KIF26B: variants seen among roughly 807,000 people sequenced by gnomAD.
KIF26B encodes the protein kinesin-like protein KIF26B.
In KIF26B, 63 loss-of-function variants were observed where a neutral mutation model predicts 151.2. That is an observed-to-expected ratio of 0.42 (90% CI 0.34 to 0.51). The LOEUF is 0.51. Among genes scored for constraint, KIF26B ranks in the 20% least tolerant of loss-of-function variants. The pLI is 0.07. For missense variants in KIF26B, 2,813 were observed against 2,913.6 expected (o/e 0.97, Z 0.79); for synonymous variants, 1,357 against 1,262.1 (o/e 1.08, Z -1.59).
intron 3 of KIF26B, among the ~76,000 whole-genome samples, chr1:245,369,934 A>G (rs1244980787): frequency 6.6e-6 from 1 of 152,198 alleles, no homozygotes; most frequent in Admixed American, 6.5e-5. Flanking sequence ...CTAACCTTGG[A>G]AGTAACCTTC....
At chr1:245,646,432 G>A in intron 10 of KIF26B, 152 bp downstream of exon 10, 1 of 736,786 alleles carries the variant, frequency 1.4e-6, no homozygotes, top group South Asian at 2.7e-5. Context: ...TAACAGTTGT[G>A]TAATGCATGA....
intron 2 of KIF26B, among the ~76,000 whole-genome samples, chr1:245,275,057 G>A (rs1670915561): frequency 6.6e-6 from 1 of 152,156 alleles, no homozygotes; most frequent in South Asian, 2.1e-4. Context: ...GTTTTGGTTT[G>A]CATTTCTCTA....
intron 2 of KIF26B, 38 bp downstream of exon 2, chr1:245,156,721 A>AGGGCG: frequency 7.5e-7 from 1 of 1,341,770 alleles, no homozygotes; most frequent in Non-Finnish European, 9.6e-7. Context: ...AGGCGCCGGG[A>AGGGCG]GGGCGGGGCC....
rs1247471197 is a variant in KIF26B at position 245,546,740 on chromosome 1, G to T, written c.1350+5790G>T. ...AAATTGTGAGTTCTCTTTTATTTTG[G>T]TTCACTGTTGGAGGGGGCGGGAACG... On this transcript the variant is annotated intron_variant, in intron 5 of 14. Transcript: ENST00000407071. 2.0e-5 allele frequency among the ~76,000 whole-genome samples: 3 copies of T among 152,112 alleles called. No homozygotes were observed. The East Asian group carries it at 5.8e-4, about 29-fold the overall frequency.
chr1:245,506,195 C>G (rs1660725852), intron 4 of KIF26B, among the ~76,000 whole-genome samples: 1 of 152,132 alleles, frequency 6.6e-6, no homozygotes, highest in Non-Finnish European at 1.5e-5. Flanking sequence ...ACAGTGGGGC[C>G]TAATTTCTTA....
chr1:245,405,308 A>G (rs1403764810), intron 3 of KIF26B, among the ~76,000 whole-genome samples: 1 of 152,232 alleles, frequency 6.6e-6, no homozygotes, highest in Non-Finnish European at 1.5e-5. Flanking sequence ...AAATATCTTC[A>G]TAAGATCAGC....
At chr1:245,545,102 A>ATT (rs58563353) in intron 5 of KIF26B, among the ~76,000 whole-genome samples, 119 of 139,242 alleles carry the variant, frequency 8.5e-4, no homozygotes, top group African/African-American at 1.2e-3. Context: ...ATACACAGCA[A>ATT]TTTTTTTTTT....
chr1:245,688,056 G>A lies in KIF26B; in HGVS notation c.5073G>A (p.Val1691=), dbSNP rs1246164458. The stretch of plus-strand genomic sequence containing the variant: ...AGCGGGCCGAGAGCCTGTCCTCCGT[G>A]AGCTCCCGGCTGCACGCGGGCAAGG... ...SLERAESLSS[V]SSRLHAGKDG... The change falls in exon 12 of 15, where the codon GTG becomes GTA. Residue 1691 remains valine, a synonymous_variant. Coordinates refer to ENST00000407071, the MANE Select transcript of KIF26B (RefSeq NM_018012.4). 6.4e-7 allele frequency: 1 copy of A among 1,553,942 alleles called. No individual in the cohort carries two copies. The highest frequency in any genetic ancestry group is 1.4e-5 in the African/African-American group (1 of 73,498).
chr1:245,496,601 T>C, intron 4 of KIF26B, among the ~76,000 whole-genome samples: 1 of 142,594 alleles, frequency 7.0e-6, no homozygotes, highest in East Asian at 1.9e-4. Flanking sequence ...ACTTGATTAA[T>C]CTAAAATAAT....
At chr1:245,426,788 G>A (rs111971161) in intron 4 of KIF26B, among the ~76,000 whole-genome samples, 52 of 152,332 alleles carry the variant, frequency 3.4e-4, no homozygotes, top group African/African-American at 1.1e-3. Context: ...CCTGCTCTTC[G>A]TGCTGTGTAT....
chr1:245,163,038 T>C (rs957522681), intron 2 of KIF26B, among the ~76,000 whole-genome samples: 1 of 152,268 alleles, frequency 6.6e-6, no homozygotes, highest in Non-Finnish European at 1.5e-5. Context: ...TATTAAAACA[T>C]TCTTCTTACT....
intron 4 of KIF26B, among the ~76,000 whole-genome samples, chr1:245,501,999 C>T (rs537091664): frequency 3.0e-4 from 45 of 152,244 alleles, no homozygotes; most frequent in Admixed American, 1.2e-3. Flanking sequence ...CCAATGAAGG[C>T]GGCGTGCACT....
chr1:245,407,287 CT>C (rs1440813930), intron 3 of KIF26B, among the ~76,000 whole-genome samples: 8 of 152,264 alleles, frequency 5.3e-5, no homozygotes, highest in African/African-American at 1.7e-4. Context: ...CTCCTGGAAC[CT>C]GTATTCCTAT....
intron 3 of KIF26B, among the ~76,000 whole-genome samples, chr1:245,383,441 C>T (rs952496777): frequency 5.9e-5 from 9 of 152,230 alleles, no homozygotes; most frequent in Admixed American, 4.6e-4. Context: ...CAGCCTACTT[C>T]AAAGGCAGCT....
chr1:245,526,470 G>T (rs367753325), intron 4 of KIF26B, among the ~76,000 whole-genome samples: 1 of 152,170 alleles, frequency 6.6e-6, no homozygotes, highest in East Asian at 1.9e-4. Context: ...CATGCAAATT[G>T]TTTTCCTTTG....
At position 245,607,411 on chromosome 1, in the gene KIF26B, G is replaced by T. The variant is rs115451988; in HGVS notation, c.1558-240G>T. ...GCTCTACAGACGCATTCGCTGAAAC[G>T]TACCACGGATTAGCAGAAGGGTGGT... On this transcript the variant is annotated intron_variant, in intron 6 of 14. Transcript: ENST00000407071. 4.0e-3 allele frequency among the ~76,000 whole-genome samples: 602 copies of T among 152,286 alleles called. 6 individuals are homozygous for T. Among genetic ancestry groups the T allele is most frequent in the African/African-American group, 0.014 (572 of 41,564 alleles).
At chr1:245,442,681 C>T (rs1254785807) in intron 4 of KIF26B, among the ~76,000 whole-genome samples, 1 of 150,980 alleles carries the variant, frequency 6.6e-6, no homozygotes, top group Non-Finnish European at 1.5e-5. Context: ...CTGCAGTCAT[C>T]TCCCTCACTG....
chr1:245,373,822 G>A (rs1330502563), intron 3 of KIF26B, among the ~76,000 whole-genome samples: 1 of 151,636 alleles, frequency 6.6e-6, no homozygotes, highest in South Asian at 2.1e-4. Flanking sequence ...AGCACTTTGG[G>A]AGGCCAAGGT....
At chr1:245,182,311 A>T (rs759152863) in intron 2 of KIF26B, among the ~76,000 whole-genome samples, 11 of 152,188 alleles carry the variant, frequency 7.2e-5, no homozygotes, top group Non-Finnish European at 1.2e-4. Flanking sequence ...ATTTTACATG[A>T]ACAAAGTCAT....
Sources: allele counts gnomAD v4.1 joint callset (sites outside exome capture counted in the v4.1 genomes callset), GRCh38; gene constraint gnomAD v4.1.1; transcripts MANE v1.5; gene names NCBI Gene and HGNC (gene_info 2026-07-23, HGNC 2026-07-21).